The following CTRL variants were observed in gnomAD, a reference collection of about 807,000 sequenced individuals.
CTRL encodes the protein chymotrypsin like, also known as chymotrypsin-like protease CTRL-1.
Under a neutral mutation model 35.5 loss-of-function variants are expected in CTRL, and 38 were observed. That is an observed-to-expected ratio of 1.07 (90% CI 0.83 to 1.40). CTRL has a LOEUF of 1.40. Among genes scored for constraint, CTRL ranks in the 40% most tolerant of loss-of-function variants. The probability of loss-of-function intolerance (pLI) is 0.00; values close to 1 mark genes in which losing one functional copy is unlikely to be tolerated. For missense variants in CTRL, 327 were observed against 342.9 expected (o/e 0.95, Z 0.37); for synonymous variants, 155 against 141.1 (o/e 1.10, Z -0.70).
At chr16:67,931,570 G>A (rs987511383) in intron 1 of CTRL, 12 of 599,258 alleles carry the variant, frequency 2.0e-5, no homozygotes, top group East Asian at 1.1e-4. Context: ...AAACCCTCCC[G>A]GGCTCCAGGG....
rs535923319 is a variant in CTRL at position 67,930,278 on chromosome 16, G to A, written c.540C>T (p.Pro180=). 2 of 1,614,006 alleles carry A rather than the reference G, an allele frequency of 1.2e-6. No homozygotes were observed. Among genetic ancestry groups the A allele is most frequent in the African/African-American group, 2.7e-5 (2 of 75,048 alleles). ...GCCGGCACTGATTCACAGTGACCAG[G>A]GGCAAAGCCACCTGCTGCAGATGTG... is the stretch of plus-strand genomic sequence containing the variant. ...TPAHLQQVAL[P]LVTVNQCRQY... Residue 180 remains proline (P), a synonymous_variant, in exon 6 of 7, where the codon CCC becomes CCT. Transcript: ENST00000574481. The surrounding 1 kb of genome is among the most constrained non-coding windows in gnomAD (Gnocchi z 4.3).
Position 67,929,617 on chromosome 16 carries a change from C to G in CTRL, c.*317G>C. On this transcript the variant is annotated 3_prime_UTR_variant, in exon 7 of 7. Coordinates refer to ENST00000574481, the MANE Select transcript of CTRL (RefSeq NM_001907.3). ...TTATTATGCGTATTCAGTTTGTAAA[C>G]GTATCCTCTGTATTCAGTAAACAGG... The G allele has an allele frequency of 2.7e-6, 1 of 363,988 alleles. No homozygotes were observed. Among genetic ancestry groups the G allele is most frequent in the Non-Finnish European group, 5.1e-6 (1 of 195,396 alleles). 22.5% of individuals were successfully genotyped at this position (363,988 alleles called of 1,614,324 possible).
In CTRL at chr16:67,931,184, T is replaced by C; in HGVS notation, c.70A>G (p.Ile24Val). 1 of 1,614,076 alleles carries C rather than the reference T, an allele frequency of 6.2e-7. No individual in the cohort carries two copies. The highest frequency in any genetic ancestry group is 8.5e-7 in the Non-Finnish European group (1 of 1,180,006). ...GSSWGCGIPA[I>V]KPALSFSQRI... is the part of the protein sequence containing the mutation. ...TGGCTGAAGCTCAGTGCCGGTTTGA[T>C]GGCAGGAATGCCGCAGCCTGGCCAT... The change falls in exon 2 of 7, where the codon ATC becomes GTC. Residue 24 changes from isoleucine (I) to valine (V), a missense_variant. Physicochemically the swap from Ile to Val is conservative, Grantham distance 29. Transcript: ENST00000574481.
In CTRL at chr16:67,930,142, G is replaced by A. The variant is rs1473997495; in HGVS notation, c.633+43C>T. The A allele has an allele frequency of 8.1e-6, 13 of 1,613,620 alleles. No individual in the cohort carries two copies. In the South Asian group the frequency reaches 1.4e-4, roughly 18 times the overall value. On this transcript the variant is annotated intron_variant, in intron 6 of 6. Transcript: ENST00000574481. This position sits in a 1 kb window ranked among gnomAD's most constrained non-coding sequence, Gnocchi z 4.3. ...GAATTGAGTAGGGGGGGTTGGGGAG[G>A]TATACCACAGGACAGCGCAGAGGAG...
Position 67,931,198 on chromosome 16 carries a change from C to T in CTRL, c.56G>A (p.Cys19Tyr), listed in dbSNP as rs556051464. The T allele has an allele frequency of 5.0e-6, 8 of 1,613,984 alleles. No homozygotes were observed. In the African/African-American group the frequency reaches 1.1e-4, roughly 22 times the overall value. Residue 19 changes from cysteine to tyrosine, a missense_variant, in exon 2 of 7, where the codon TGC (cysteine) becomes TAC (tyrosine). By Grantham distance (194) the Cys-to-Tyr change is radical. Coordinates refer to ENST00000574481, the MANE Select transcript of CTRL (RefSeq NM_001907.3). ...TGCCGGTTTGATGGCAGGAATGCCG[C>T]AGCCTGGCCATTGGGCTAATGAGGA... ...SLVLLGSSWG[C>Y]GIPAIKPALS...
In CTRL at chr16:67,929,598, T is replaced by C. The variant is rs777020054; in HGVS notation, c.*336A>G. ...ATGGAGAATGTGCAGTTATTTATTA[T>C]GCGTATTCAGTTTGTAAACGTATCC... On this transcript the variant is annotated 3_prime_UTR_variant, in exon 7 of 7. Coordinates refer to ENST00000574481, the MANE Select transcript of CTRL (RefSeq NM_001907.3). 4.8e-5 allele frequency: 14 copies of C among 290,334 alleles called. No homozygotes were observed. The highest frequency in any genetic ancestry group is 2.1e-4 in the African/African-American group (10 of 47,204). The allele number at this position is 290,334 out of a possible 1,614,324, so 18.0% of individuals were successfully genotyped here.
At position 67,930,446 on chromosome 16, in the gene CTRL, G is replaced by C. The variant is rs147636333; in HGVS notation, c.461C>G (p.Thr154Arg). ...GCGACCCCAGCCGGTGGTGACACAC[G>C]TGAGGCCTTCAGTCAGAGCCTCGTT... ...SSNEALTEGL[T>R]CVTTGWGRLS... The change falls in exon 5 of 7, where the codon ACG becomes AGG. Residue 154 changes from threonine (T) to arginine (R), a missense_variant. Physicochemically the swap from Thr to Arg is moderately conservative, Grantham distance 71. Coordinates refer to ENST00000574481, the MANE Select transcript of CTRL (RefSeq NM_001907.3). The surrounding 1 kb of genome is among the most constrained non-coding windows in gnomAD (Gnocchi z 4.3). 2 of 1,614,066 alleles carry C rather than the reference G, an allele frequency of 1.2e-6. No homozygotes were observed. The highest frequency in any genetic ancestry group is 3.3e-4 in the Middle Eastern group (2 of 6,062).
Position 67,930,503 on chromosome 16 carries a change from G to C in CTRL, c.404C>G (p.Thr135Arg). Residue 135 changes from threonine (T) to arginine (R), a missense_variant, in exon 5 of 7, where the codon ACA becomes AGA. Transcript: ENST00000574481. This position sits in a 1 kb window ranked among gnomAD's most constrained non-coding sequence, Gnocchi z 4.3. ...LKLASPAQYT[T>R]RISPVCLASS... ...TGCCAGGCAAACTGGCGAGATGCGT[G>C]TTGTGTACTGGGCTGGCGAGGCGAG... The C allele has an allele frequency of 1.9e-6, 3 of 1,614,192 alleles. No individual in the cohort carries two copies. The highest frequency in any genetic ancestry group is 2.5e-6 in the Non-Finnish European group (3 of 1,180,038).
intron 1 of CTRL, 98 bp from the exon 2 acceptor site, chr16:67,931,299 G>A (rs1389465952): frequency 1.7e-6 from 2 of 1,182,280 alleles, no homozygotes; most frequent in Non-Finnish European, 2.5e-6. Context: ...AGAGAGGTCT[G>A]TCGAGAGGGT....
rs1216323452 is a variant in CTRL at position 67,930,413 on chromosome 16, C to T, written c.494G>A (p.Gly165Asp). The change falls in exon 5 of 7, where the codon GGC becomes GAC. Residue 165 changes from glycine (G) to aspartate (D), a missense_variant. By Grantham distance (94) the Gly-to-Asp change is moderately conservative. Coordinates refer to ENST00000574481, the MANE Select transcript of CTRL (RefSeq NM_001907.3). This position sits in a 1 kb window ranked among gnomAD's most constrained non-coding sequence, Gnocchi z 4.3. ...GCTTTGGCCTGAGTCCCTACCCACG[C>T]CACTGAGGCGACCCCAGCCGGTGGT... ...CVTTGWGRLS[G>D]VGNVTPAHLQ... is the part of the protein sequence containing the mutation. The T allele has an allele frequency of 1.2e-6, 2 of 1,613,754 alleles. No individual in the cohort carries two copies. The highest frequency in any genetic ancestry group is 1.7e-6 in the Non-Finnish European group (2 of 1,179,840).
chr16:67,930,963 T>C lies in CTRL; in HGVS notation c.193A>G (p.Ile65Val). The change falls in exon 3 of 7, where the codon ATC becomes GTC. Residue 65 changes from isoleucine to valine, a missense_variant. Transcript: ENST00000574481. The surrounding 1 kb of genome is among the most constrained non-coding windows in gnomAD (Gnocchi z 4.3). The stretch of plus-strand genomic sequence containing the variant: ...GCAGTGACCACCCAGGACTGGCTGA[T>C]GAGAGAACCACCGCAGAAGTGGAAG... ...SGFHFCGGSLISQSWVVTAAH... is the reference protein window; with the variant it reads ...SGFHFCGGSLVSQSWVVTAAH... 6.2e-7 allele frequency: 1 copy of C among 1,613,702 alleles called. No homozygotes were observed. The highest frequency in any genetic ancestry group is 8.5e-7 in the Non-Finnish European group (1 of 1,179,878).
In CTRL at chr16:67,930,314, A is replaced by G. The variant is rs772942369; in HGVS notation, c.504T>C (p.Asn168=). 1.2e-6 allele frequency: 2 copies of G among 1,613,998 alleles called. No individual in the cohort carries two copies. The highest frequency in any genetic ancestry group is 1.1e-5 in the South Asian group (1 of 91,080). ...TGWGRLSGVG[N]VTPAHLQQVA... The stretch of plus-strand genomic sequence containing the variant: ...CCTGCTGCAGATGTGCTGGTGTCAC[A>G]TTGCCTGTGGGCCAGGAGGGGTGGT... Residue 168 remains asparagine, a synonymous_variant, in exon 6 of 7, where the codon AAT becomes AAC. Transcript: ENST00000574481. The surrounding 1 kb of genome is among the most constrained non-coding windows in gnomAD (Gnocchi z 4.3).
chr16:67,931,761 G>T, intron 1 of CTRL, 40 bp downstream of exon 1: 3 of 1,552,328 alleles, frequency 1.9e-6, no homozygotes, highest in Non-Finnish European at 2.6e-6. Context: ...GAGCTGAGTT[G>T]CTCCCAGGGC....
intron 2 of CTRL, 36 bp downstream of exon 2, chr16:67,931,062 G>C (rs373097336): frequency 1.9e-5 from 31 of 1,613,150 alleles, no homozygotes; most frequent in Non-Finnish European, 2.5e-5. Context: ...TAGGCATGAC[G>C]TACCCAGGAC....
At position 67,930,534 on chromosome 16, in the gene CTRL, G is replaced by A; in HGVS notation, c.373C>T (p.Leu125=). Residue 125 remains leucine, a synonymous_variant, in exon 5 of 7, where the codon CTG becomes TTG. Transcript: ENST00000574481. The surrounding 1 kb of genome is among the most constrained non-coding windows in gnomAD (Gnocchi z 4.3). The part of the protein sequence containing the change: ...STTMNNDVTL[L]KLASPAQYTT... ...TACTGGGCTGGCGAGGCGAGCTTCAGCAGCGTCACGTCATTGTTCATGGTG... is the reference window on the plus strand; with the variant it reads ...TACTGGGCTGGCGAGGCGAGCTTCAACAGCGTCACGTCATTGTTCATGGTG... The A allele has an allele frequency of 1.2e-6, 2 of 1,614,192 alleles. No homozygotes were observed. The highest frequency in any genetic ancestry group is 1.1e-5 in the South Asian group (1 of 91,082).
chr16:67,930,548 T>G lies in CTRL; in HGVS notation c.359A>C (p.Asn120Thr). ...HPSWNSTTMN[N>T]DVTLLKLASP... ...GGCGAGCTTCAGCAGCGTCACGTCA[T>G]TGTTCATGGTGGTAGAGTTCCAGCT... Residue 120 changes from asparagine to threonine, a missense_variant, in exon 5 of 7, where the codon AAT (asparagine) becomes ACT (threonine). Coordinates refer to ENST00000574481, the MANE Select transcript of CTRL (RefSeq NM_001907.3). This position sits in a 1 kb window ranked among gnomAD's most constrained non-coding sequence, Gnocchi z 4.3. 6.2e-7 allele frequency: 1 copy of G among 1,614,122 alleles called. No individual in the cohort carries two copies. The highest frequency in any genetic ancestry group is 8.5e-7 in the Non-Finnish European group (1 of 1,180,012).
At position 67,929,894 on chromosome 16, in the gene CTRL, G is replaced by A. The variant is rs756035102; in HGVS notation, c.*40C>T. The A allele has an allele frequency of 6.3e-6, 10 of 1,599,660 alleles. No individual in the cohort carries two copies. In the African/African-American group the frequency reaches 1.3e-4, roughly 21 times the overall value. On this transcript the variant is annotated 3_prime_UTR_variant, in exon 7 of 7. Coordinates refer to ENST00000574481, the MANE Select transcript of CTRL (RefSeq NM_001907.3). Reference sequence around the variant, plus strand: ...TGAATGCATGATGGGACAGGGCCTGGGTCTTTAATGGGTTGAGCTGGGGAG... The same window carrying A: ...TGAATGCATGATGGGACAGGGCCTGAGTCTTTAATGGGTTGAGCTGGGGAG...
In CTRL at chr16:67,930,659, C is replaced by T. The variant is rs1187892936; in HGVS notation, c.318+67G>A. On this transcript the variant is annotated intron_variant, in intron 4 of 6. Transcript: ENST00000574481. This position sits in a 1 kb window ranked among gnomAD's most constrained non-coding sequence, Gnocchi z 4.3. ...GTAGGCCAGGGCATGTCCTGAATTC[C>T]TCGTTCCCAGCACCCACCCACCTGC... 6.2e-7 allele frequency: 1 copy of T among 1,607,352 alleles called. No homozygotes were observed. The highest frequency in any genetic ancestry group is 1.1e-5 in the South Asian group (1 of 90,996).
Position 67,930,451 on chromosome 16 carries a change from G to A in CTRL, c.456C>T (p.Gly152=). The change falls in exon 5 of 7, where the codon GGC becomes GGT. Residue 152 remains glycine (G), a synonymous_variant. Transcript: ENST00000574481. This position sits in a 1 kb window ranked among gnomAD's most constrained non-coding sequence, Gnocchi z 4.3. ...CCCAGCCGGTGGTGACACACGTGAG[G>A]CCTTCAGTCAGAGCCTCGTTTGAGG... ...LASSNEALTE[G]LTCVTTGWGR... 6.2e-7 allele frequency: 1 copy of A among 1,614,142 alleles called. No homozygotes were observed. The highest frequency in any genetic ancestry group is 8.5e-7 in the Non-Finnish European group (1 of 1,180,044).
Sources: allele counts gnomAD v4.1 joint callset, GRCh38; gene constraint gnomAD v4.1.1; non-coding constraint Gnocchi (gnomAD v3.1); transcripts MANE v1.5; gene names NCBI Gene and HGNC (gene_info 2026-07-23, HGNC 2026-07-21).